Variants in MAP3K6 observed in about 807,000 individuals in gnomAD.
MAP3K6 encodes the protein mitogen-activated protein kinase kinase kinase 6, also known as apoptosis signal-regulating kinase 2.
A neutral mutation model predicts 147.1 loss-of-function variants in MAP3K6; 105 were observed. The ratio of observed to expected loss-of-function variants is 0.71; its 90% confidence interval spans 0.61 to 0.84. The LOEUF is 0.84. MAP3K6 is among the 40% of genes least tolerant of loss of function. MAP3K6 has a pLI of 0.00. For missense variants in MAP3K6, 1,569 were observed against 1,715.0 expected, an observed-to-expected ratio of 0.91 and a Z score of 1.50; for synonymous variants, 695 against 732.4, an observed-to-expected ratio of 0.95 and a Z score of 0.82.
At position 27,359,077 on chromosome 1, in the gene MAP3K6, C is replaced by T. The variant is rs1258855883; in HGVS notation, c.2426-211G>A. ...GCCTGCCAAGGCTTCCGTCATTCAT[C>T]CTGGGCTCCACCACATTCACAGACT... On this transcript the variant is annotated intron_variant, in intron 18 of 28. Coordinates refer to ENST00000357582, the MANE Select transcript of MAP3K6 (RefSeq NM_004672.5). The surrounding 1 kb of genome is among the most constrained non-coding windows in gnomAD (Gnocchi z 4.4). 6.6e-6 allele frequency among the ~76,000 whole-genome samples: 1 copy of T among 152,174 alleles called. No individual in the cohort carries two copies. Among genetic ancestry groups the T allele is most frequent in the East Asian group, 1.9e-4 (1 of 5,200 alleles).
rs2015972328 is a variant in MAP3K6 at position 27,366,163 on chromosome 1, C to A, written c.340+95G>T. 1.1e-5 allele frequency: 13 copies of A among 1,202,226 alleles called. No individual in the cohort carries two copies. The highest frequency in any genetic ancestry group is 1.6e-5 in the African/African-American group (1 of 63,224). 74.5% of individuals were successfully genotyped at this position (1,202,226 alleles called of 1,614,324 possible). A position where few individuals can be genotyped will look rare whatever the true frequency, so the allele number is the denominator to read the frequency against. ...TTTAAGTCCCCTAGACCCGGTACCC[C>A]TCTCGGCCCCTCCCTTGAGCCTTCG... On this transcript the variant is annotated intron_variant, in intron 1 of 28. Coordinates refer to ENST00000357582, the MANE Select transcript of MAP3K6 (RefSeq NM_004672.5). The surrounding 1 kb of genome is among the most constrained non-coding windows in gnomAD (Gnocchi z 5.5).
chr1:27,358,464 T>C lies in MAP3K6; in HGVS notation c.2731A>G (p.Arg911Gly). The C allele has an allele frequency of 6.3e-7, 1 of 1,592,982 alleles. No individual in the cohort carries two copies. The highest frequency in any genetic ancestry group is 8.5e-7 in the Non-Finnish European group (1 of 1,174,040). Residue 911 changes from arginine (R) to glycine (G), a missense_variant, in exon 20 of 29, where the codon AGG (arginine) becomes GGG (glycine). Arg to Gly is a moderately radical substitution (Grantham distance 125, BLOSUM62 -2). Transcript: ENST00000357582. This position sits in a 1 kb window ranked among gnomAD's most constrained non-coding sequence, Gnocchi z 6.2. The stretch of plus-strand genomic sequence containing the variant: ...CGTGGGGAGCTGGGGCTGCGGCTCC[T>C]TTTCCCAGGCTGCAGGAAGGGGTCC... ...LGDPFLQPGK[R>G]SRSPSSPRHA...
At chr1:27,357,241 G>A in intron 23 of MAP3K6, 127 bp from the exon 24 acceptor site, 2 of 1,264,070 alleles carry the variant, frequency 1.6e-6, no homozygotes, top group South Asian at 2.8e-5. Context: ...TCCAGGGAAG[G>A]CCTGGGAAGC....
In MAP3K6 at chr1:27,356,470, C is replaced by T. The variant is rs1485871911; in HGVS notation, c.3555G>A (p.Arg1185=). Residue 1185 remains arginine, a synonymous_variant, in exon 26 of 29, where the codon CGG becomes CGA. Coordinates refer to ENST00000357582, the MANE Select transcript of MAP3K6 (RefSeq NM_004672.5). ...CCCGCTGCACCAGGGCCTGGTACTC[C>T]CGTTCCTTCCCCGCCAGGATTTCGC... is the stretch of plus-strand genomic sequence containing the variant. The part of the protein sequence containing the change: ...RLREILAGKE[R]EYQALVQRAL... 1.9e-6 allele frequency: 3 copies of T among 1,613,978 alleles called. No individual in the cohort carries two copies. The highest frequency in any genetic ancestry group is 1.3e-5 in the African/African-American group (1 of 75,070).
rs2015553786 is a variant in MAP3K6, at chr1:27,357,045, G to T, written c.3328C>A (p.Arg1110Ser). 1 of 1,613,936 alleles carries T rather than the reference G, an allele frequency of 6.2e-7. No homozygotes were observed. The highest frequency in any genetic ancestry group is 8.5e-7 in the Non-Finnish European group (1 of 1,180,022). ...ACACCCAGGGCTGCCCGCACAGCAC[G>T]GCTGAGCAGTGAGTCCAGAACGAAC... ...WMFVLDSLLS[R>S]AVRAALGVLG... The change falls in exon 24 of 29, where the codon CGT becomes AGT. Residue 1110 changes from arginine (R) to serine (S), a missense_variant. Coordinates refer to ENST00000357582, the MANE Select transcript of MAP3K6 (RefSeq NM_004672.5).
intron 6 of MAP3K6, 30 bp downstream of exon 6, chr1:27,363,412 C>A: frequency 6.3e-7 from 1 of 1,579,772 alleles, no homozygotes; most frequent in South Asian, 1.1e-5. Flanking sequence ...CTTTATGTGG[C>A]TATGACCTAA....
rs1007596294 is a variant in MAP3K6, at chr1:27,359,047, C to G, written c.2426-181G>C. 2.0e-5 allele frequency among the ~76,000 whole-genome samples: 3 copies of G among 152,140 alleles called. No individual in the cohort carries two copies. Among genetic ancestry groups the G allele is most frequent in the African/African-American group, 7.2e-5 (3 of 41,386 alleles). ...CTGAGTTCCATCACCACCCTGGGCT[C>G]CATCGCCTGCCAAGGCTTCCGTCAT... On this transcript the variant is annotated intron_variant, in intron 18 of 28. Coordinates refer to ENST00000357582, the MANE Select transcript of MAP3K6 (RefSeq NM_004672.5). This position sits in a 1 kb window ranked among gnomAD's most constrained non-coding sequence, Gnocchi z 4.4.
In MAP3K6 at chr1:27,358,550, A is replaced by G. The variant is rs1314292710; in HGVS notation, c.2645T>C (p.Phe882Ser). The change falls in exon 20 of 29, where the codon TTT becomes TCT. Residue 882 changes from phenylalanine to serine, a missense_variant. Physicochemically the swap from Phe to Ser is radical, Grantham distance 155. Transcript: ENST00000357582. This position sits in a 1 kb window ranked among gnomAD's most constrained non-coding sequence, Gnocchi z 6.2. ...GTCTGGCTCAAAAGTTCGGAGGAGA[A>G]AGGCTTGGGCCTCGGCCGACAGAGA... The part of the protein sequence containing the change: ...PSSLSAEAQA[F>S]LLRTFEPDPR... 5 of 1,612,694 alleles carry G rather than the reference A, an allele frequency of 3.1e-6. No individual in the cohort carries two copies. The South Asian group carries it at 3.3e-5, about 11-fold the overall frequency.
intron 26 of MAP3K6, 130 bp from the exon 27 acceptor site, chr1:27,356,229 G>A (rs1238061603): frequency 1.9e-6 from 2 of 1,071,904 alleles, no homozygotes; most frequent in African/African-American, 3.2e-5. Context: ...GAGCCCAAGG[G>A]TGCCTTGTGC....
chr1:27,365,236 A>G (rs2015935536), intron 1 of MAP3K6, among the ~76,000 whole-genome samples: 1 of 152,164 alleles, frequency 6.6e-6, no homozygotes, highest in African/African-American at 2.4e-5. Context: ...TTGCGCAAAC[A>G]TAGAAGTCCC....
rs2015822667 is a variant in MAP3K6 at position 27,362,679 on chromosome 1, C to T, written c.1217G>A (p.Gly406Glu). ...CTCTTTGGAATCCTCAAAGTGCTGC[C>T]CGGCAGCAATGAGGAGCACAGCTGC... ...INAAVLLIAA[G>E]QHFEDSKELR... The change falls in exon 8 of 29, where the codon GGG becomes GAG. Residue 406 changes from glycine (G) to glutamate (E), a missense_variant. Transcript: ENST00000357582. The T allele has an allele frequency of 1.9e-6, 3 of 1,605,564 alleles. No homozygotes were observed. In the East Asian group the frequency reaches 6.7e-5, roughly 36 times the overall value.
Position 27,364,265 on chromosome 1 carries a change from G to A in MAP3K6, c.634C>T (p.Leu212=), listed in dbSNP as rs781245404. The A allele has an allele frequency of 6.2e-7, 1 of 1,613,654 alleles. No homozygotes were observed. Among genetic ancestry groups the A allele is most frequent in the East Asian group, 2.2e-5 (1 of 44,886 alleles). Residue 212 remains leucine (L), a synonymous_variant, in exon 4 of 29, where the codon CTG becomes TTG. Transcript: ENST00000357582. This position sits in a 1 kb window ranked among gnomAD's most constrained non-coding sequence, Gnocchi z 4.4. Reference sequence around the variant, plus strand: ...AGCCGGCCCACCAGGGGAGTGAGCAGGGCCTCGGTCCCCACTCCAGCCTGT... The same window carrying A: ...AGCCGGCCCACCAGGGGAGTGAGCAAGGCCTCGGTCCCCACTCCAGCCTGT... The part of the protein sequence containing the change: ...LVQAGVGTEA[L]LTPLVGRLAR...
At position 27,364,374 on chromosome 1, in the gene MAP3K6, T is replaced by C; in HGVS notation, c.525A>G (p.Thr175=). ...TGGCCGTCACCACATAGGGGATCAGTGTGTAGCTGCCAACGCAATCCTGGT... is the reference window on the plus strand; with the variant it reads ...TGGCCGTCACCACATAGGGGATCAGCGTGTAGCTGCCAACGCAATCCTGGT... ...QKNSDCVGSY[T]LIPYVVTATG... Residue 175 remains threonine (T), a synonymous_variant, in exon 4 of 29, where the codon ACA becomes ACG. Transcript: ENST00000357582. This position sits in a 1 kb window ranked among gnomAD's most constrained non-coding sequence, Gnocchi z 4.4. 3.1e-6 allele frequency: 5 copies of C among 1,613,816 alleles called. No homozygotes were observed. Among genetic ancestry groups the C allele is most frequent in the South Asian group, 2.2e-5 (2 of 91,076 alleles).
chr1:27,355,912 C>A, intron 27 of MAP3K6, 114 bp downstream of exon 27: 1 of 1,167,594 alleles, frequency 8.6e-7, no homozygotes, highest in Admixed American at 1.9e-5. Context: ...ACTAAGTGTT[C>A]TTCTGGTAGT....
chr1:27,363,246 C>T (rs966713129), intron 6 of MAP3K6, among the ~76,000 whole-genome samples, 196 bp downstream of exon 6: 5 of 152,106 alleles, frequency 3.3e-5, no homozygotes, highest in Non-Finnish European at 7.4e-5. Context: ...GTGACCATAC[C>T]ACAGGCAGCA....
Position 27,359,005 on chromosome 1 carries a change from G to A in MAP3K6, c.2426-139C>T, listed in dbSNP as rs1445616814. 1.2e-6 allele frequency: 1 copy of A among 854,896 alleles called. No homozygotes were observed. The highest frequency in any genetic ancestry group is 1.7e-5 in the African/African-American group (1 of 59,008). 53.0% of individuals were successfully genotyped at this position (854,896 alleles called of 1,614,324 possible). On this transcript the variant is annotated intron_variant, in intron 18 of 28. Transcript: ENST00000357582. This position sits in a 1 kb window ranked among gnomAD's most constrained non-coding sequence, Gnocchi z 4.4. ...AAAATATACCTCAACACCTATCCTGGTCATCAAACATCTATCCTGAGTTCC... is the reference window on the plus strand; with the variant it reads ...AAAATATACCTCAACACCTATCCTGATCATCAAACATCTATCCTGAGTTCC...
rs1327933188 is a variant in MAP3K6 at position 27,366,488 on chromosome 1, C to G, written c.110G>C (p.Arg37Pro). The change falls in exon 1 of 29, where the codon CGG (arginine) becomes CCG (proline). Residue 37 changes from arginine to proline, a missense_variant. Coordinates refer to ENST00000357582, the MANE Select transcript of MAP3K6 (RefSeq NM_004672.5). The surrounding 1 kb of genome is among the most constrained non-coding windows in gnomAD (Gnocchi z 5.5). ...GAGCGGCCGGCTCCGCGCGCAGCCC[C>G]GGCCCGGGGGCGCCGCGAGCTGCCG... The part of the protein sequence containing the change: ...RGRQLAAPPG[R>P]GCARSRPLSV... 1 of 1,141,178 alleles carries G rather than the reference C, an allele frequency of 8.8e-7. No individual in the cohort carries two copies. The highest frequency in any genetic ancestry group is 1.1e-6 in the Non-Finnish European group (1 of 930,506). 70.7% of individuals were successfully genotyped at this position (1,141,178 alleles called of 1,614,324 possible).
In MAP3K6 at chr1:27,359,864, G is replaced by C; in HGVS notation, c.2313C>G (p.Asp771Glu). Residue 771 changes from aspartate to glutamate, a missense_variant, in exon 17 of 29, where the codon GAC (aspartate) becomes GAG (glutamate). By Grantham distance (45) the Asp-to-Glu change is conservative. Transcript: ENST00000357582. The surrounding 1 kb of genome is among the most constrained non-coding windows in gnomAD (Gnocchi z 4.4). ...YLHDNHIVHRDIKGDNVLINT... is the reference protein window; with the variant it reads ...YLHDNHIVHREIKGDNVLINT... Reference sequence around the variant, plus strand: ...GGCCAGCCCCAGGGCTTACTTTTATGTCCCTGTGCACGATGTGGTTGTCGT... The same window carrying C: ...GGCCAGCCCCAGGGCTTACTTTTATCTCCCTGTGCACGATGTGGTTGTCGT... The C allele has an allele frequency of 1.2e-6, 2 of 1,614,126 alleles. No homozygotes were observed. The highest frequency in any genetic ancestry group is 1.7e-6 in the Non-Finnish European group (2 of 1,180,000).
rs760339449 is a variant in MAP3K6, at chr1:27,356,738, C to T, written c.3376G>A (p.Glu1126Lys). The part of the protein sequence containing the change: ...LGVLGPEVEK[E>K]AVSPRSEELS... ...TCCTCTGACCTCGGTGAGACCGCCT[C>T]CTTCTCCACCTCTGCAGCCCAGTGC... The change falls in exon 25 of 29, where the codon GAG becomes AAG. Residue 1126 changes from glutamate (E) to lysine (K), a missense_variant. Physicochemically the swap from Glu to Lys is moderately conservative, Grantham distance 56. Coordinates refer to ENST00000357582, the MANE Select transcript of MAP3K6 (RefSeq NM_004672.5). 7.7e-6 allele frequency: 12 copies of T among 1,566,008 alleles called. No individual in the cohort carries two copies. In the East Asian group the frequency reaches 1.1e-4, roughly 15 times the overall value.
Sources: gnomAD v4.1 joint callset for allele counts (sites outside exome capture counted in the v4.1 genomes callset) on GRCh38, gnomAD v4.1.1 for gene constraint, Gnocchi (gnomAD v3.1) non-coding constraint, MANE v1.5 for transcripts, NCBI Gene and HGNC (gene_info 2026-07-23, HGNC 2026-07-21) for gene names.